The following CHD1L variants were observed in gnomAD, a reference collection of about 807,000 sequenced individuals.
CHD1L encodes the protein ATP-dependent chromatin remodeler CHD1L.
CHD1L carries 118 observed loss-of-function variants against 115.9 expected under a neutral mutation model. The observed-to-expected ratio is 1.02, with a 90% confidence interval of 0.88 to 1.19. CHD1L has a LOEUF of 1.19. Ranked by LOEUF, CHD1L falls within the 50% of genes most tolerant of loss-of-function variation. The pLI, the probability that CHD1L is intolerant of heterozygous loss-of-function variation, is 0.00. For missense variants in CHD1L, 1,179 were observed against 1,065.3 expected, an observed-to-expected ratio of 1.11 and a Z score of -1.49; for synonymous variants, 411 against 387.1, an observed-to-expected ratio of 1.06 and a Z score of -0.72.
At chr1:147,292,082 C>G (rs1313613277) in intron 20 of CHD1L, among the ~76,000 whole-genome samples, 1 of 152,166 alleles carries the variant, frequency 6.6e-6, no homozygotes, top group South Asian at 2.1e-4. Context: ...CCATCTGTCC[C>G]CGGAGCACCG....
the CHD1L span, chr1:147,209,190 C>A: frequency 1.7e-6 from 1 of 578,142 alleles, no homozygotes; most frequent in Non-Finnish European, 3.0e-6. Context: ...GAGGCCAAGG[C>A]GGGCGGATCA....
intron 20 of CHD1L, among the ~76,000 whole-genome samples, chr1:147,291,962 T>C (rs1553970982): frequency 1.3e-5 from 2 of 151,672 alleles, no homozygotes; most frequent in Non-Finnish European, 2.9e-5. Context: ...AAACATGAGG[T>C]ACGGGGGGTT....
chr1:147,184,281 C>T, the CHD1L span: 1 of 359,228 alleles, frequency 2.8e-6, no homozygotes, highest in Non-Finnish European at 4.7e-6. The surrounding 1 kb of genome is among the most constrained non-coding windows in gnomAD (Gnocchi z 4.4). Flanking sequence ...AGAAAAGTTG[C>T]AAAAATAGTA....
chr1:147,254,849 C>G (rs782642395), intron 2 of CHD1L, 21 bp from the exon 3 acceptor site: 1 of 1,552,310 alleles, frequency 6.4e-7, no homozygotes, highest in Non-Finnish European at 8.7e-7. Flanking sequence ...TCAAAACTGC[C>G]TTTCTTTTTC....
chr1:147,271,335 AT>A lies in CHD1L; in HGVS notation c.1159+332del, dbSNP rs1410238772. Reference sequence around the variant, plus strand: ...ACTAGAGCTTTTAGCGTCTTGTAACATTCACCTCAACAGTTGAGCACTTACT... The same window carrying A: ...ACTAGAGCTTTTAGCGTCTTGTAACATCACCTCAACAGTTGAGCACTTACT... On this transcript the variant is annotated intron_variant, in intron 11 of 22. Coordinates refer to ENST00000369258, the MANE Select transcript of CHD1L (RefSeq NM_004284.6). 2.0e-5 allele frequency among the ~76,000 whole-genome samples: 3 copies of A among 152,346 alleles called. No homozygotes were observed. In the East Asian group the frequency reaches 5.8e-4, roughly 29 times the overall value.
At chr1:147,201,561 C>T in the CHD1L span, 5 of 1,408,960 alleles carry the variant, frequency 3.5e-6, no homozygotes, top group Non-Finnish European at 4.9e-6. Context: ...ATCAGTACCA[C>T]ATAAGTAAAA....
chr1:147,293,008 GTGTC>G (rs1260717257), intron 20 of CHD1L, among the ~76,000 whole-genome samples: 2 of 152,196 alleles, frequency 1.3e-5, no homozygotes, highest in Non-Finnish European at 2.9e-5. Flanking sequence ...GAAAAGTAAA[GTGTC>G]TGTGCATGAG....
the CHD1L span, among the ~76,000 whole-genome samples, chr1:147,182,251 T>G: frequency 6.6e-6 from 1 of 152,242 alleles, no homozygotes; most frequent in Non-Finnish European, 1.5e-5. Flanking sequence ...GAAAATGTTA[T>G]GTGGAACTTT....
intron 18 of CHD1L, 25 bp downstream of exon 18, chr1:147,286,525 G>T (rs782360660): frequency 5.0e-6 from 8 of 1,608,490 alleles, no homozygotes; most frequent in Non-Finnish European, 6.8e-6. Context: ...ATGGGCTGGG[G>T]ATGGGGGCCT....
At position 147,259,864 on chromosome 1, in the gene CHD1L, T is replaced by G. The variant is rs1553942793; in HGVS notation, c.522T>G (p.Asp174Glu). The change falls in exon 6 of 23, where the codon GAT (aspartate) becomes GAG (glutamate). Residue 174 changes from aspartate (D) to glutamate (E), a missense_variant. Physicochemically the swap from Asp to Glu is conservative, Grantham distance 45. Coordinates refer to ENST00000369258, the MANE Select transcript of CHD1L (RefSeq NM_004284.6). ...TCCCTTGGAGTGTTCTTGTTGTGGA[T>G]GAAGCTCACAGGTTGAAAAACCAAA... ...KSFPWSVLVV[D>E]EAHRLKNQSS... is the part of the protein sequence containing the mutation. The G allele has an allele frequency of 6.2e-7, 1 of 1,613,948 alleles. No individual in the cohort carries two copies. The highest frequency in any genetic ancestry group is 1.7e-5 in the Admixed American group (1 of 60,022).
chr1:147,227,924 T>G, the CHD1L span, among the ~76,000 whole-genome samples: 2 of 152,200 alleles, frequency 1.3e-5, no homozygotes, highest in Admixed American at 1.3e-4. Flanking sequence ...AGGCCCCCTT[T>G]GTTTTGAGAT....
At chr1:147,185,259 A>G in the CHD1L span, among the ~76,000 whole-genome samples, 1 of 152,060 alleles carries the variant, frequency 6.6e-6, no homozygotes, top group Non-Finnish European at 1.5e-5. Flanking sequence ...TAAAAAAGAA[A>G]CTGGTGTACT....
intron 7 of CHD1L, among the ~76,000 whole-genome samples, chr1:147,265,673 G>A (rs1359883558): frequency 6.6e-6 from 1 of 152,064 alleles, no homozygotes; most frequent in Non-Finnish European, 1.5e-5. Flanking sequence ...AAAATATTCT[G>A]GAAACAAAAC....
chr1:147,291,474 T>C lies in CHD1L; in HGVS notation c.2321-8T>C. 1 of 1,612,286 alleles carries C rather than the reference T, an allele frequency of 6.2e-7. No individual in the cohort carries two copies. Among genetic ancestry groups the C allele is most frequent in the Non-Finnish European group, 8.5e-7 (1 of 1,178,348 alleles). On this transcript the variant is annotated splice_region_variant and splice_polypyrimidine_tract_variant and intron_variant, in intron 19 of 22. Transcript: ENST00000369258. ...TTCTTTATGTTGCTCCTTTCTGTTT[T>C]ACCTCAGACCTGAGTTTGGGAGGTG...
intron 4 of CHD1L, 118 bp downstream of exon 4, chr1:147,256,045 T>G (rs1553940127): frequency 2.6e-5 from 15 of 578,254 alleles, no homozygotes; most frequent in Non-Finnish European, 2.6e-5. Flanking sequence ...GCAGGGAGTC[T>G]ACCTTCATCA....
At chr1:147,256,621 T>C (rs1670247155) in intron 5 of CHD1L, 59 bp downstream of exon 5, 2 of 1,525,390 alleles carry the variant, frequency 1.3e-6, no homozygotes, top group Non-Finnish European at 1.8e-6. Flanking sequence ...GTCATGTCTT[T>C]CCTTCACGTT....
chr1:147,197,339 G>A, the CHD1L span, among the ~76,000 whole-genome samples: 1 of 152,126 alleles, frequency 6.6e-6, no homozygotes, highest in Non-Finnish European at 1.5e-5. Context: ...CATTGCTACT[G>A]GAGCACTTGT....
chr1:147,257,100 TAATG>T (rs1553940970), intron 5 of CHD1L, among the ~76,000 whole-genome samples: 2 of 152,118 alleles, frequency 1.3e-5, no homozygotes, highest in African/African-American at 4.8e-5. Flanking sequence ...TACCACCTAA[TAATG>T]GGAATGATAG....
chr1:147,213,062 A>C, the CHD1L span, among the ~76,000 whole-genome samples: 15 of 152,158 alleles, frequency 9.9e-5, no homozygotes, highest in African/African-American at 3.4e-4. Context: ...TTGATACTCC[A>C]GTCATTTGAT....
Sources: gnomAD v4.1 joint callset for allele counts (sites outside exome capture counted in the v4.1 genomes callset) on GRCh38, gnomAD v4.1.1 for gene constraint, Gnocchi (gnomAD v3.1) non-coding constraint, MANE v1.5 for transcripts, NCBI Gene and HGNC (gene_info 2026-07-23, HGNC 2026-07-21) for gene names.